L2HGDH: variants seen among roughly 807,000 people sequenced by gnomAD.
L2HGDH encodes the protein L-2-hydroxyglutarate dehydrogenase.
A neutral mutation model predicts 51.5 loss-of-function variants in L2HGDH; 34 were observed. That is an observed-to-expected ratio of 0.66 (90% CI 0.50 to 0.88). The LOEUF (loss-of-function observed/expected upper bound fraction) is 0.88. Ranked by LOEUF, L2HGDH falls within the 40% of genes least tolerant of loss-of-function variation. The probability of loss-of-function intolerance (pLI) is 0.00; values close to 1 mark genes in which losing one functional copy is unlikely to be tolerated. For missense variants in L2HGDH, 558 were observed against 571.9 expected, an observed-to-expected ratio of 0.98 and a Z score of 0.25; for synonymous variants, 198 against 197.9, an observed-to-expected ratio of 1.00 and a Z score of -0.01.
In L2HGDH at chr14:50,303,803, G is replaced by C. The variant is rs1557010; in HGVS notation, c.141-786C>G. 4.0e-5 allele frequency among the ~76,000 whole-genome samples: 5 copies of C among 125,940 alleles called. No homozygotes were observed. The South Asian group carries it at 9.8e-4, about 25-fold the overall frequency. The allele number at this position is 125,940 out of a possible 152,430, so 82.6% of individuals were successfully genotyped here. A position where few individuals can be genotyped will look rare whatever the true frequency, so the allele number is the denominator to read the frequency against. On this transcript the variant is annotated intron_variant, in intron 1 of 9. Coordinates refer to ENST00000267436, the MANE Select transcript of L2HGDH (RefSeq NM_024884.3). Reference sequence around the variant, plus strand: ...TCTCAAAAAAAAAAAAAAAAAGTTAGACGCATTAAAAAAAAAAAAAAAAAA... The same window carrying C: ...TCTCAAAAAAAAAAAAAAAAAGTTACACGCATTAAAAAAAAAAAAAAAAAA...
intron 8 of L2HGDH, among the ~76,000 whole-genome samples, chr14:50,266,309 A>G (rs890041910): frequency 6.6e-6 from 1 of 152,198 alleles, no homozygotes; most frequent in Non-Finnish European, 1.5e-5. Context: ...GAAATGGGAC[A>G]TCTACCCTAG....
In L2HGDH at chr14:50,303,290, C is replaced by T. The variant is rs181743205; in HGVS notation, c.141-273G>A. On this transcript the variant is annotated intron_variant, in intron 1 of 9. Transcript: ENST00000267436. ...TACAAAAATTAGCTGGGCGTGGTGGCGCGTGCCTGTAGTCCCAGCTATTTG... is the reference window on the plus strand; with the variant it reads ...TACAAAAATTAGCTGGGCGTGGTGGTGCGTGCCTGTAGTCCCAGCTATTTG... Among the ~76,000 whole-genome samples the T allele has an allele frequency of 6.9e-4, 105 of 151,772 alleles. 2 individuals are homozygous for T. Among genetic ancestry groups the T allele is most frequent in the Admixed American group, 1.6e-3 (24 of 15,232 alleles).
chr14:50,272,085 G>T (rs1032450965), intron 6 of L2HGDH, among the ~76,000 whole-genome samples: 1 of 152,216 alleles, frequency 6.6e-6, no homozygotes, highest in African/African-American at 2.4e-5. Flanking sequence ...AGGTTACAGT[G>T]AGCCAAGATC....
chr14:50,246,764 C>A lies in L2HGDH; in HGVS notation c.*294G>T. 3.8e-6 allele frequency: 1 copy of A among 261,814 alleles called. No homozygotes were observed. Among genetic ancestry groups the A allele is most frequent in the Non-Finnish European group, 7.2e-6 (1 of 138,760 alleles). 16.2% of individuals were successfully genotyped at this position (261,814 alleles called of 1,614,324 possible). On this transcript the variant is annotated 3_prime_UTR_variant, in exon 10 of 10. Coordinates refer to ENST00000267436, the MANE Select transcript of L2HGDH (RefSeq NM_024884.3). The stretch of plus-strand genomic sequence containing the variant: ...ATTATTATTTTCTTGCTCTGTCACC[C>A]AGGCTGGAGTGCAGTGGTGCAATCT...
intron 4 of L2HGDH, chr14:50,293,238 G>T: frequency 1.4e-6 from 1 of 702,302 alleles, no homozygotes; most frequent in South Asian, 1.5e-5. Flanking sequence ...CAGCACAGTG[G>T]GAAAATAATG....
At chr14:50,264,969 A>G (rs1253341394) in intron 9 of L2HGDH, among the ~76,000 whole-genome samples, 1 of 152,224 alleles carries the variant, frequency 6.6e-6, no homozygotes, top group Non-Finnish European at 1.5e-5. Context: ...AATCTTATAC[A>G]AAATTAAGGC....
chr14:50,252,985 T>C (rs762534028), intron 9 of L2HGDH, among the ~76,000 whole-genome samples: 15 of 152,110 alleles, frequency 9.9e-5, no homozygotes, highest in Non-Finnish European at 2.1e-4. Context: ...GAATACACAT[T>C]TTTCTCCTCA....
intron 1 of L2HGDH, among the ~76,000 whole-genome samples, chr14:50,310,618 G>C (rs767059764): frequency 6.6e-6 from 1 of 151,950 alleles, no homozygotes; most frequent in Non-Finnish European, 1.5e-5. Context: ...AGGGAGGATC[G>C]CTTGAGCCCA....
intron 5 of L2HGDH, among the ~76,000 whole-genome samples, chr14:50,279,692 A>T (rs1239097730): frequency 6.6e-6 from 1 of 152,110 alleles, no homozygotes; most frequent in Non-Finnish European, 1.5e-5. Context: ...ATTTAAAAAA[A>T]AAAAAAGAAG....
At chr14:50,291,284 G>GC (rs1890876914) in intron 4 of L2HGDH, among the ~76,000 whole-genome samples, 1 of 151,402 alleles carries the variant, frequency 6.6e-6, no homozygotes, top group Admixed American at 6.6e-5. Flanking sequence ...GATGAATTTG[G>GC]CCCACAGGAC....
chr14:50,281,621 T>A (rs1344427107), intron 5 of L2HGDH, among the ~76,000 whole-genome samples: 1 of 152,072 alleles, frequency 6.6e-6, no homozygotes, highest in Non-Finnish European at 1.5e-5. Context: ...AAAATAAAAA[T>A]AAATTATCAT....
chr14:50,269,463 T>C lies in L2HGDH; in HGVS notation c.739-133A>G, dbSNP rs1595090629. The stretch of plus-strand genomic sequence containing the variant: ...TCTAAAAGAGGATATTCAATACAGG[T>C]ATCAGCAAAATATGTTCTTTAGCAT... On this transcript the variant is annotated intron_variant, in intron 6 of 9. Coordinates refer to ENST00000267436, the MANE Select transcript of L2HGDH (RefSeq NM_024884.3). 1.6e-5 allele frequency: 13 copies of C among 793,914 alleles called. No individual in the cohort carries two copies. The East Asian group carries it at 3.4e-4, about 21-fold the overall frequency. 49.2% of individuals were successfully genotyped at this position (793,914 alleles called of 1,614,324 possible).
chr14:50,302,874 C>G, intron 2 of L2HGDH, 28 bp downstream of exon 2: 1 of 1,469,200 alleles, frequency 6.8e-7, no homozygotes. Context: ...CAAGTAAGCC[C>G]AAAGAACAAC....
At chr14:50,254,821 T>C (rs913860780) in intron 9 of L2HGDH, among the ~76,000 whole-genome samples, 4 of 151,940 alleles carry the variant, frequency 2.6e-5, no homozygotes, top group African/African-American at 4.8e-5. Flanking sequence ...GGTGGATCAC[T>C]TGAACACAGG....
intron 3 of L2HGDH, among the ~76,000 whole-genome samples, chr14:50,295,229 G>A (rs2029960317): frequency 6.6e-6 from 1 of 151,980 alleles, no homozygotes; most frequent in South Asian, 2.1e-4. Context: ...TTAAAATGTG[G>A]CCATGCACAG....
At chr14:50,307,532 G>C (rs2030805812) in intron 1 of L2HGDH, among the ~76,000 whole-genome samples, 1 of 152,172 alleles carries the variant, frequency 6.6e-6, no homozygotes, top group African/African-American at 2.4e-5. Flanking sequence ...TTAATCTCAA[G>C]TTAACACCAA....
chr14:50,260,495 T>C (rs1315761890), intron 9 of L2HGDH, among the ~76,000 whole-genome samples: 3 of 152,194 alleles, frequency 2.0e-5, no homozygotes, highest in Non-Finnish European at 2.9e-5. Flanking sequence ...CTCAAGCCCC[T>C]CAGTTATTAA....
Position 50,243,449 on chromosome 14 carries a change from GAACT to G in L2HGDH, c.*3605_*3608del. ...ATTTATTTGCATAAAAGTTTTTATGGAACTAAAAAATATGTTCTCTACAACACCA... is the reference window on the plus strand; with the variant it reads ...ATTTATTTGCATAAAAGTTTTTATGGAAAAAATATGTTCTCTACAACACCA... On this transcript the variant is annotated 3_prime_UTR_variant, in exon 10 of 10. Coordinates refer to ENST00000267436, the MANE Select transcript of L2HGDH (RefSeq NM_024884.3). 1 of 871,204 alleles carries G rather than the reference GAACT, an allele frequency of 1.1e-6. No homozygotes were observed. Among genetic ancestry groups the G allele is most frequent in the Non-Finnish European group, 1.4e-6 (1 of 726,546 alleles). 54.0% of individuals were successfully genotyped at this position (871,204 alleles called of 1,614,324 possible). A position where few individuals can be genotyped will look rare whatever the true frequency, so the allele number is the denominator to read the frequency against.
intron 9 of L2HGDH, among the ~76,000 whole-genome samples, chr14:50,252,828 A>G (rs1888442708): frequency 6.6e-6 from 1 of 152,130 alleles, no homozygotes; most frequent in Non-Finnish European, 1.5e-5. Context: ...CCCCAATATA[A>G]TAATAGCTGG....
Sources: gnomAD v4.1 joint callset for allele counts (sites outside exome capture counted in the v4.1 genomes callset) on GRCh38, gnomAD v4.1.1 for gene constraint, MANE v1.5 for transcripts, NCBI Gene and HGNC (gene_info 2026-07-23, HGNC 2026-07-21) for gene names.